Variants in GABBR2 observed in about 807,000 individuals in gnomAD.
The protein encoded by GABBR2 is G-protein coupled receptor 51.
GABBR2 carries 23 observed loss-of-function variants against 105.6 expected under a neutral mutation model. That is an observed-to-expected ratio of 0.22 (90% CI 0.16 to 0.31). The LOEUF is 0.31. Ranked by LOEUF, GABBR2 falls within the 10% of genes least tolerant of loss-of-function variation. The pLI is 1.00. For synonymous variants in GABBR2, 478 were observed against 499.7 expected, an observed-to-expected ratio of 0.96 and a Z score of 0.58; for missense variants, 734 against 1,245.5, an observed-to-expected ratio of 0.59 and a Z score of 6.18.
At chr9:98,371,882 A>G (rs921852032) in intron 11 of GABBR2, among the ~76,000 whole-genome samples, 2 of 152,162 alleles carry the variant, frequency 1.3e-5, no homozygotes, top group African/African-American at 4.8e-5. Context: ...ATGCTGAGAT[A>G]CCACCAAAAG....
intron 13 of GABBR2, among the ~76,000 whole-genome samples, chr9:98,329,477 G>T (rs925656907): frequency 6.6e-6 from 1 of 152,172 alleles, no homozygotes; most frequent in African/African-American, 2.4e-5. Context: ...CTCTATTCCA[G>T]GCACAAGGGT....
intron 12 of GABBR2, among the ~76,000 whole-genome samples, chr9:98,367,019 GA>G (rs1044743506): frequency 1.3e-5 from 2 of 151,930 alleles, no homozygotes; most frequent in African/African-American, 4.8e-5. Flanking sequence ...TTGGTCTTTA[GA>G]AAAAAAGTAA....
chr9:98,456,155 G>A (rs991720562), intron 6 of GABBR2, among the ~76,000 whole-genome samples: 12 of 151,856 alleles, frequency 7.9e-5, no homozygotes, highest in South Asian at 2.1e-4. Context: ...AGTCATCCCC[G>A]CCACTTTCAC....
chr9:98,456,459 T>C (rs1826327590), intron 6 of GABBR2, among the ~76,000 whole-genome samples: 1 of 152,196 alleles, frequency 6.6e-6, no homozygotes, highest in Non-Finnish European at 1.5e-5. Flanking sequence ...TTCCTCCTTA[T>C]GTGTTTACTT....
intron 13 of GABBR2, among the ~76,000 whole-genome samples, chr9:98,314,345 G>A (rs16914811): frequency 0.15 from 23,215 of 152,204 alleles, 1,848 homozygotes; most frequent in Middle Eastern, 0.22. Context: ...GGTTTCTCCA[G>A]TGTGTGACAA....
intron 10 of GABBR2, among the ~76,000 whole-genome samples, chr9:98,386,335 G>A (rs1832072150): frequency 6.6e-6 from 1 of 151,624 alleles, no homozygotes; most frequent in South Asian, 2.1e-4. Flanking sequence ...CCAGCCTTGA[G>A]TAGACCATGT....
chr9:98,385,594 A>G (rs774679694), intron 11 of GABBR2, 46 bp downstream of exon 11: 4 of 1,559,720 alleles, frequency 2.6e-6, no homozygotes, highest in Admixed American at 3.5e-5. Context: ...GAGGTCACCA[A>G]GGAAACTTTC....
At chr9:98,469,448 G>T (rs1826623684) in intron 6 of GABBR2, among the ~76,000 whole-genome samples, 1 of 152,134 alleles carries the variant, frequency 6.6e-6, no homozygotes, top group Non-Finnish European at 1.5e-5. Flanking sequence ...ATGAGAGCCT[G>T]GGTGGAGACA....
intron 13 of GABBR2, among the ~76,000 whole-genome samples, chr9:98,358,368 C>A (rs1831525161): frequency 6.6e-6 from 1 of 152,232 alleles, no homozygotes; most frequent in African/African-American, 2.4e-5. Context: ...ACTTGGTTCA[C>A]TGGACACACT....
chr9:98,355,690 CCAG>C, intron 13 of GABBR2, among the ~76,000 whole-genome samples: 1 of 152,126 alleles, frequency 6.6e-6, no homozygotes, highest in Non-Finnish European at 1.5e-5. Context: ...AATAAAAATC[CCAG>C]CAGATTATTT....
At chr9:98,584,837 A>G (rs756334729) in intron 1 of GABBR2, among the ~76,000 whole-genome samples, 1 of 152,168 alleles carries the variant, frequency 6.6e-6, no homozygotes, top group African/African-American at 2.4e-5. Context: ...TGGGTCTCCC[A>G]CGCAGGAGCA....
At chr9:98,436,384 T>TAGATAGATAG (rs1170118214) in intron 7 of GABBR2, among the ~76,000 whole-genome samples, 1 of 48,558 alleles carries the variant, frequency 2.1e-5, no homozygotes, top group African/African-American at 1.1e-4. Context: ...TATATATATA[T>TAGATAGATAG]ATATATATAT....
intron 1 of GABBR2, among the ~76,000 whole-genome samples, chr9:98,646,087 CTG>C (rs1491360267): frequency 6.6e-6 from 1 of 152,064 alleles, no homozygotes; most frequent in African/African-American, 2.4e-5. Context: ...GGGTCTGAGA[CTG>C]TGTCCCTAGA....
intron 7 of GABBR2, among the ~76,000 whole-genome samples, chr9:98,444,632 T>A (rs1286641580): frequency 6.6e-6 from 1 of 151,998 alleles, no homozygotes; most frequent in Non-Finnish European, 1.5e-5. Flanking sequence ...AGGATTATTA[T>A]TATTATAGTT....
At chr9:98,531,992 C>A (rs2131727927) in intron 3 of GABBR2, among the ~76,000 whole-genome samples, 1 of 152,310 alleles carries the variant, frequency 6.6e-6, no homozygotes, top group Admixed American at 6.5e-5. Flanking sequence ...CCCGTGTAAG[C>A]ATTAATTAGT....
chr9:98,606,814 A>T (rs191085375), intron 1 of GABBR2: 11,107 of 294,370 alleles, frequency 0.038, 330 homozygotes, highest in African/African-American at 0.095. Flanking sequence ...TTCCTTTTTT[A>T]AAAAAAAAGT....
intron 13 of GABBR2, among the ~76,000 whole-genome samples, chr9:98,351,783 AG>A (rs2131424741): frequency 6.6e-6 from 1 of 152,248 alleles, no homozygotes; most frequent in African/African-American, 2.4e-5. Context: ...AATTTCCTTA[AG>A]ATCATCATTT....
chr9:98,565,942 C>T (rs1828745360), intron 2 of GABBR2, among the ~76,000 whole-genome samples: 1 of 152,230 alleles, frequency 6.6e-6, no homozygotes, highest in Admixed American at 6.5e-5. Flanking sequence ...AGTGCCATGC[C>T]ACCACATGCA....
intron 16 of GABBR2, among the ~76,000 whole-genome samples, chr9:98,300,921 G>A (rs1420768249): frequency 2.0e-5 from 3 of 152,168 alleles, no homozygotes; most frequent in Non-Finnish European, 4.4e-5. Flanking sequence ...GTCATGCCTC[G>A]TGTAATGAAG....
Sources: allele counts gnomAD v4.1 joint callset (sites outside exome capture counted in the v4.1 genomes callset), GRCh38; gene constraint gnomAD v4.1.1; transcripts MANE v1.5; gene names NCBI Gene and HGNC (gene_info 2026-07-23, HGNC 2026-07-21).